Variants in FADS2 observed in about 807,000 individuals in gnomAD.
The protein encoded by FADS2 is fatty acid desaturase 2.
A neutral mutation model predicts 61.2 loss-of-function variants in FADS2; 18 were observed. The ratio of observed to expected loss-of-function variants is 0.29; its 90% confidence interval spans 0.20 to 0.44. FADS2 has a LOEUF of 0.44. FADS2 is among the 20% of genes least tolerant of loss of function. The probability of loss-of-function intolerance (pLI) is 1.00; values close to 1 mark genes in which losing one functional copy is unlikely to be tolerated. For missense variants in FADS2, 322 were observed against 572.7 expected (o/e 0.56, Z 4.47); for synonymous variants, 203 against 223.9 (o/e 0.91, Z 0.83).
chr11:61,824,881 C>A (rs1219507794), upstream of FADS2, among the ~76,000 whole-genome samples: 2 of 152,090 alleles, frequency 1.3e-5, no homozygotes, highest in African/African-American at 4.8e-5. Flanking sequence ...ATGGAGGAGA[C>A]CCTTCTGCAG....
chr11:61,826,898 A>G (rs2067090702), upstream of FADS2, among the ~76,000 whole-genome samples: 1 of 151,838 alleles, frequency 6.6e-6, no homozygotes, highest in Admixed American at 6.6e-5. Context: ...TCTCAATCTC[A>G]GGCTCTCCAT....
rs772936031 is a variant in FADS2 at position 61,862,958 on chromosome 11, A to G, written c.883-14A>G. 2.5e-6 allele frequency: 4 copies of G among 1,612,788 alleles called. No individual in the cohort carries two copies. Among genetic ancestry groups the G allele is most frequent in the Non-Finnish European group, 2.5e-6 (3 of 1,178,758 alleles). On this transcript the variant is annotated splice_polypyrimidine_tract_variant and intron_variant, in intron 7 of 11. Transcript: ENST00000278840. Reference sequence around the variant, plus strand: ...GAGAGGGCAGGTTGCACCTAACTTCATCTTTCCCCGCAGGACCTGGCCTGG... The same window carrying G: ...GAGAGGGCAGGTTGCACCTAACTTCGTCTTTCCCCGCAGGACCTGGCCTGG...
rs1367194268 is a variant in FADS2 at position 61,865,130 on chromosome 11, GC to G, written c.1158-19del. ...ATGGCCCTCTGAGTCCTCACGCTCT[GC>G]CCACCCTACACACTCCTCAGCCTCT... On this transcript the variant is annotated intron_variant, in intron 10 of 11. Transcript: ENST00000278840. This position sits in a 1 kb window ranked among gnomAD's most constrained non-coding sequence, Gnocchi z 4.1. 2 of 1,607,206 alleles carry G rather than the reference GC, an allele frequency of 1.2e-6. No homozygotes were observed. The highest frequency in any genetic ancestry group is 1.7e-5 in the Admixed American group (1 of 59,768).
At chr11:61,861,453 G>C (rs1328189314) in intron 7 of FADS2, among the ~76,000 whole-genome samples, 1 of 151,030 alleles carries the variant, frequency 6.6e-6, no homozygotes, top group Non-Finnish European at 1.5e-5. Context: ...TTGCACTCCA[G>C]CCTGGGCAAT....
At chr11:61,817,914 CTA>C (rs749751946) in intron 1 of FADS2, among the ~76,000 whole-genome samples, 33 of 152,310 alleles carry the variant, frequency 2.2e-4, no homozygotes, top group Middle Eastern at 3.4e-3. Context: ...CCTAACAACC[CTA>C]TGAGGTTGGA....
intron 5 of FADS2, among the ~76,000 whole-genome samples, chr11:61,850,093 C>A (rs1295682096): frequency 6.6e-6 from 1 of 152,004 alleles, no homozygotes; most frequent in African/African-American, 2.4e-5. Context: ...GCCACCTCTG[C>A]GAATGTGGAT....
At chr11:61,825,722 C>A (rs2067079379), upstream of FADS2, among the ~76,000 whole-genome samples, 1 of 151,572 alleles carries the variant, frequency 6.6e-6, no homozygotes, top group African/African-American at 2.4e-5. Flanking sequence ...GAAACCCCGT[C>A]TCTACTAAAA....
intron 9 of FADS2, 50 bp downstream of exon 9, chr11:61,863,428 C>A: frequency 7.2e-7 from 1 of 1,385,602 alleles, no homozygotes; most frequent in Non-Finnish European, 1.0e-6. Flanking sequence ...TGTCCATGTC[C>A]TGGCCCCAGA....
At chr11:61,853,286 C>CCCTCCCTT (rs1555077186) in intron 5 of FADS2, among the ~76,000 whole-genome samples, 5 of 55,694 alleles carry the variant, frequency 9.0e-5, no homozygotes, top group African/African-American at 1.8e-4. Context: ...TTCCCTCCCT[C>CCCTCCCTT]CCTCCCTTCC....
At chr11:61,863,845 T>C (rs1310638811) in intron 10 of FADS2, 59 bp downstream of exon 10, 54 of 1,344,174 alleles carry the variant, frequency 4.0e-5, no homozygotes, top group Middle Eastern at 3.6e-4. Flanking sequence ...GTGGCCGCTA[T>C]CCCACTGGGC....
At chr11:61,825,785 C>T (rs2067080027), upstream of FADS2, among the ~76,000 whole-genome samples, 4 of 151,436 alleles carry the variant, frequency 2.6e-5, no homozygotes, top group South Asian at 4.2e-4. Flanking sequence ...CCCAGCTACT[C>T]GGGAGGCTGA....
intron 4 of FADS2, among the ~76,000 whole-genome samples, chr11:61,844,968 G>T (rs865903395): frequency 1.5e-4 from 22 of 148,894 alleles, no homozygotes; most frequent in Admixed American, 4.7e-4. Context: ...AATGAAATGA[G>T]GCAAAAAGTA....
chr11:61,828,668 G>A lies in FADS2; in HGVS notation c.207+71G>A. On this transcript the variant is annotated intron_variant, in intron 1 of 11. Transcript: ENST00000278840. The surrounding 1 kb of genome is among the most constrained non-coding windows in gnomAD (Gnocchi z 6.4). ...GAGTCAGGATCCCTGGCTCCCCGTG[G>A]GCCAAACAGACCTCCGGCGCTGAAT... is the stretch of plus-strand genomic sequence containing the variant. 5.0e-6 allele frequency: 7 copies of A among 1,412,788 alleles called. No homozygotes were observed. In the South Asian group the frequency reaches 9.0e-5, roughly 18 times the overall value. 87.5% of individuals were successfully genotyped at this position (1,412,788 alleles called of 1,614,324 possible). A position where few individuals can be genotyped will look rare whatever the true frequency, so the allele number is the denominator to read the frequency against.
intron 1 of FADS2, among the ~76,000 whole-genome samples, chr11:61,834,211 G>C (rs999048712): frequency 7.2e-5 from 11 of 152,222 alleles, no homozygotes; most frequent in African/African-American, 2.7e-4. Context: ...GTCCGCACCA[G>C]GCCTGCTCGG....
At position 61,862,999 on chromosome 11, in the gene FADS2, A is replaced by C; in HGVS notation, c.910A>C (p.Ile304Leu). 1 of 1,614,198 alleles carries C rather than the reference A, an allele frequency of 6.2e-7. No homozygotes were observed. Among genetic ancestry groups the C allele is most frequent in the African/African-American group, 1.3e-5 (1 of 75,030 alleles). Residue 304 changes from isoleucine (I) to leucine (L), a missense_variant, in exon 8 of 12, where the codon ATC (isoleucine) becomes CTC (leucine). By Grantham distance (5) the Ile-to-Leu change is conservative. Around this residue, in one of 3 missense-constraint regions of FADS2, gnomAD observed 221 missense variants for 427.9 expected, o/e 0.52. Coordinates refer to ENST00000278840, the MANE Select transcript of FADS2 (RefSeq NM_004265.4). ...VDLAWAVSYY[I>L]RFFITYIPFY... Reference sequence around the variant, plus strand: ...CCTGGCCTGGGCCGTCAGCTACTACATCCGGTTCTTCATCACCTACATCCC... The same window carrying C: ...CCTGGCCTGGGCCGTCAGCTACTACCTCCGGTTCTTCATCACCTACATCCC...
In FADS2 at chr11:61,833,680, G is replaced by A. The variant is rs137994883; in HGVS notation, c.208-4098G>A. The stretch of plus-strand genomic sequence containing the variant: ...GTATGCAAGCCACTCCCATGGCCCC[G>A]TGGCTCGCCTGCGTCACCTCAGCAG... On this transcript the variant is annotated intron_variant, in intron 1 of 11. Transcript: ENST00000278840. 1.2e-4 allele frequency among the ~76,000 whole-genome samples: 18 copies of A among 152,358 alleles called. 1 individual carries two copies. The highest frequency in any genetic ancestry group is 5.8e-4 in the East Asian group (3 of 5,192).
chr11:61,851,557 G>A (rs1014232419), intron 5 of FADS2, among the ~76,000 whole-genome samples: 4 of 152,196 alleles, frequency 2.6e-5, no homozygotes, highest in Non-Finnish European at 2.9e-5. Context: ...CGCAGGACCC[G>A]GCCGCCCTGG....
At position 61,851,610 on chromosome 11, in the gene FADS2, G is replaced by T. The variant is rs1359417257; in HGVS notation, c.744+3326G>T. Among the ~76,000 whole-genome samples the T allele has an allele frequency of 2.0e-5, 3 of 152,224 alleles. No individual in the cohort carries two copies. In the East Asian group the frequency reaches 5.8e-4, roughly 29 times the overall value. ...TGACTGAAGTGACAGTGGGTCTGAT[G>T]GGACTTGTCACATGCCAGTCCCACA... On this transcript the variant is annotated intron_variant, in intron 5 of 11. Coordinates refer to ENST00000278840, the MANE Select transcript of FADS2 (RefSeq NM_004265.4).
Position 61,865,617 on chromosome 11 carries a change from G to A in FADS2, c.1284-21G>A. On this transcript the variant is annotated intron_variant, in intron 11 of 11. Transcript: ENST00000278840. This position sits in a 1 kb window ranked among gnomAD's most constrained non-coding sequence, Gnocchi z 4.1. ...CACTCCCGTCCTGGTCCCTGACCCT[G>A]GTCCATCCCCAACTTTGCAGGTCCC... 3 of 1,611,674 alleles carry A rather than the reference G, an allele frequency of 1.9e-6. No homozygotes were observed. The highest frequency in any genetic ancestry group is 2.7e-5 in the African/African-American group (2 of 74,986).
Sources: gnomAD v4.1 joint callset for allele counts (sites outside exome capture counted in the v4.1 genomes callset) on GRCh38, gnomAD v4.1.1 for gene constraint, gnomAD v4.1.1 regional missense constraint, Gnocchi (gnomAD v3.1) non-coding constraint, MANE v1.5 for transcripts, NCBI Gene and HGNC (gene_info 2026-07-23, HGNC 2026-07-21) for gene names.